Variants in PIP5K1A observed in about 807,000 individuals in gnomAD.
PIP5K1A encodes phosphatidylinositol 4-phosphate 5-kinase type-1 alpha.
A neutral mutation model predicts 72.9 loss-of-function variants in PIP5K1A; 46 were observed. The observed-to-expected ratio is 0.63, with a 90% CI of 0.50 to 0.81. The LOEUF (loss-of-function observed/expected upper bound fraction) is 0.81, where lower values mean the gene tolerates loss of function less well. Ranked by LOEUF, PIP5K1A falls within the 30% of genes least tolerant of loss-of-function variation. The probability of loss-of-function intolerance (pLI) is 0.00; values close to 1 mark genes in which losing one functional copy is unlikely to be tolerated. For synonymous variants in PIP5K1A, 228 were observed against 255.1 expected, an observed-to-expected ratio of 0.89 and a Z score of 1.01; for missense variants, 458 against 706.1, an observed-to-expected ratio of 0.65 and a Z score of 3.98.
At chr1:151,230,892 T>C (rs377475975) in intron 4 of PIP5K1A, among the ~76,000 whole-genome samples, 5 of 152,332 alleles carry the variant, frequency 3.3e-5, no homozygotes, top group Middle Eastern at 6.8e-3. Flanking sequence ...CTTAGAGGAC[T>C]GAAGTTTCTG....
At position 151,215,849 on chromosome 1, in the gene PIP5K1A, C is replaced by T. The variant is rs1687512456; in HGVS notation, c.86-8396C>T. Reference sequence around the variant, plus strand: ...CACAGTATGGTGCTAGGAATCTGACCAGGTCCAGTTCATAATTTTAAACTT... The same window carrying T: ...CACAGTATGGTGCTAGGAATCTGACTAGGTCCAGTTCATAATTTTAAACTT... On this transcript the variant is annotated intron_variant, in intron 1 of 15. Coordinates refer to ENST00000368888, the MANE Select transcript of PIP5K1A (RefSeq NM_001135638.2). The T allele has an allele frequency of 7.5e-5, 37 of 490,106 alleles. 1 individual carries two copies. The highest frequency in any genetic ancestry group is 5.9e-4 in the South Asian group (37 of 62,342). 30.4% of individuals were successfully genotyped at this position (490,106 alleles called of 1,614,324 possible).
At chr1:151,196,097 C>T (rs1249082746), upstream of PIP5K1A, among the ~76,000 whole-genome samples, 1 of 151,686 alleles carries the variant, frequency 6.6e-6, no homozygotes, top group Non-Finnish European at 1.5e-5. Flanking sequence ...CGGGGTTTCA[C>T]TGTGTTAGCC....
chr1:151,234,820 G>A (rs1250881340), intron 8 of PIP5K1A, among the ~76,000 whole-genome samples: 1 of 152,188 alleles, frequency 6.6e-6, no homozygotes, highest in Non-Finnish European at 1.5e-5. Flanking sequence ...GAAGCTGAGT[G>A]CTGCTGAAGA....
chr1:151,220,502 C>G (rs1036030246), intron 1 of PIP5K1A, among the ~76,000 whole-genome samples: 7 of 151,354 alleles, frequency 4.6e-5, no homozygotes, highest in Non-Finnish European at 7.4e-5. Flanking sequence ...GGATTTCACT[C>G]TTTCGCCCAG....
chr1:151,230,816 A>T, intron 4 of PIP5K1A, among the ~76,000 whole-genome samples: 1 of 152,218 alleles, frequency 6.6e-6, no homozygotes, highest in East Asian at 1.9e-4. Flanking sequence ...CTTGGATTAG[A>T]GGCGTGAGCC....
chr1:151,242,565 A>G lies in PIP5K1A; in HGVS notation c.1638A>G (p.Thr546=), dbSNP rs762177773. The change falls in exon 14 of 16, where the codon ACA becomes ACG. Residue 546 remains threonine (T), a splice_region_variant and synonymous_variant. Transcript: ENST00000368888. ...LVGETLQMLT[T]STTLEKLEVA... ...GAGAGACTTTGCAAATGCTAACTAC[A>G]AGGTTGGTTTATTGGCCCCTTTCTC... 8 of 1,613,496 alleles carry G rather than the reference A, an allele frequency of 5.0e-6. No homozygotes were observed. Among genetic ancestry groups the G allele is most frequent in the Admixed American group, 1.7e-5 (1 of 59,922 alleles).
At chr1:151,215,794 C>G (rs1687506442) in intron 1 of PIP5K1A, among the ~76,000 whole-genome samples, 1 of 152,056 alleles carries the variant, frequency 6.6e-6, no homozygotes, top group Non-Finnish European at 1.5e-5. Context: ...GAACATTTAC[C>G]TAGAATTACA....
intron 12 of PIP5K1A, among the ~76,000 whole-genome samples, chr1:151,241,508 AAAAG>A (rs1691701204): frequency 2.0e-5 from 3 of 151,890 alleles, no homozygotes; most frequent in South Asian, 4.2e-4. Flanking sequence ...TCGTCAAAGA[AAAAG>A]AAAAAGGGGG....
chr1:151,243,455 A>G (rs1692056356), intron 14 of PIP5K1A, among the ~76,000 whole-genome samples: 1 of 152,204 alleles, frequency 6.6e-6, no homozygotes, highest in South Asian at 2.1e-4. Flanking sequence ...GCATTAGATA[A>G]CCAATATACA....
At chr1:151,197,800 A>G, upstream of PIP5K1A, 1 of 290,850 alleles carries the variant, frequency 3.4e-6, no homozygotes, top group Non-Finnish European at 6.8e-6. Flanking sequence ...GCTCAGAGAG[A>G]CTGGTCTTCC....
intron 1 of PIP5K1A, among the ~76,000 whole-genome samples, chr1:151,215,318 G>A (rs587685480): frequency 1.3e-5 from 2 of 150,344 alleles, no homozygotes; most frequent in Admixed American, 6.7e-5. Context: ...GATTACAGGC[G>A]TGAGCCACCG....
intron 1 of PIP5K1A, among the ~76,000 whole-genome samples, chr1:151,204,931 G>T (rs991430188): frequency 1.3e-5 from 2 of 152,162 alleles, no homozygotes; most frequent in Non-Finnish European, 1.5e-5. Flanking sequence ...AGTACGTTTT[G>T]CTTATTAATG....
At chr1:151,240,068 A>G (rs1305588443) in intron 12 of PIP5K1A, 29 bp downstream of exon 12, 8 of 1,509,670 alleles carry the variant, frequency 5.3e-6, no homozygotes, top group African/African-American at 4.1e-5. Flanking sequence ...TTGACTGCCT[A>G]CTCCTGCCCA....
Position 151,236,611 on chromosome 1 carries a change from T to C in PIP5K1A, c.993T>C (p.Asn331=), listed in dbSNP as rs1393304189. Residue 331 remains asparagine, a synonymous_variant, in exon 9 of 16, where the codon AAT becomes AAC. Coordinates refer to ENST00000368888, the MANE Select transcript of PIP5K1A (RefSeq NM_001135638.2). ...MDYSLLMSIH[N]IDHAQREPLS... ...ACAGCCTCTTGATGTCAATCCATAA[T>C]ATAGATCATGCACAACGAGAGCCCT... 7 of 1,612,962 alleles carry C rather than the reference T, an allele frequency of 4.3e-6. No individual in the cohort carries two copies. In the Admixed American group the frequency reaches 8.3e-5, roughly 19 times the overall value.
At chr1:151,247,720 G>T in intron 15 of PIP5K1A, 143 bp from the exon 16 acceptor site, 1 of 658,924 alleles carries the variant, frequency 1.5e-6, no homozygotes. Flanking sequence ...CACCATGCGC[G>T]GCCGCCATCT....
At chr1:151,246,044 C>T (rs1369581105) in intron 14 of PIP5K1A, among the ~76,000 whole-genome samples, 4 of 151,994 alleles carry the variant, frequency 2.6e-5, no homozygotes, top group Non-Finnish European at 4.4e-5. Flanking sequence ...GCCAGAAGTT[C>T]GAGACCAGCC....
At chr1:151,229,161 C>G (rs1396794306) in intron 4 of PIP5K1A, among the ~76,000 whole-genome samples, 1 of 105,566 alleles carries the variant, frequency 9.5e-6, no homozygotes, top group Non-Finnish European at 1.9e-5. Context: ...GAGCGAGACC[C>G]CGTCTCAAAA....
intron 1 of PIP5K1A, among the ~76,000 whole-genome samples, chr1:151,209,437 A>AT (rs34643257): frequency 0.17 from 20,261 of 118,158 alleles, 2,327 homozygotes; most frequent in East Asian, 0.5. Context: ...TGCCTGGCTA[A>AT]TTTTTTTTTT....
chr1:151,238,375 G>A (rs1209820813), intron 10 of PIP5K1A, 110 bp downstream of exon 10: 5 of 751,434 alleles, frequency 6.7e-6, no homozygotes, highest in South Asian at 1.5e-5. Context: ...AGAACAGTGA[G>A]TTGCAGTCTG....
Sources: gnomAD v4.1 joint callset for allele counts (sites outside exome capture counted in the v4.1 genomes callset) on GRCh38, gnomAD v4.1.1 for gene constraint, MANE v1.5 for transcripts, NCBI Gene and HGNC (gene_info 2026-07-23, HGNC 2026-07-21) for gene names.